Variants in ZNF385B observed in about 807,000 individuals in gnomAD.
ZNF385B encodes zinc finger protein 533.
ZNF385B carries 23 observed loss-of-function variants against 39.2 expected under a neutral mutation model. That is an observed-to-expected ratio of 0.59 (90% confidence interval 0.42 to 0.83). The LOEUF (loss-of-function observed/expected upper bound fraction) is 0.83, where lower values mean the gene tolerates loss of function less well. Ranked by LOEUF, ZNF385B falls within the 40% of genes least tolerant of loss-of-function variation. The pLI, the probability that ZNF385B is intolerant of heterozygous loss-of-function variation, is 0.00. For missense variants in ZNF385B, 552 were observed against 598.9 expected (o/e 0.92, Z 0.82); for synonymous variants, 205 against 222.6 (o/e 0.92, Z 0.70).
chr2:179,718,179 T>G (rs1448739196), intron 3 of ZNF385B, among the ~76,000 whole-genome samples: 3 of 152,106 alleles, frequency 2.0e-5, no homozygotes, highest in African/African-American at 7.2e-5. Context: ...GAATAATCTT[T>G]ACTACTATTG....
chr2:179,530,078 T>A (rs1228498580), intron 4 of ZNF385B, among the ~76,000 whole-genome samples: 14 of 152,170 alleles, frequency 9.2e-5, no homozygotes. Context: ...CCATAGCACA[T>A]GTGAAGAGAG....
intron 3 of ZNF385B, among the ~76,000 whole-genome samples, chr2:179,732,796 T>A (rs1701480077): frequency 1.3e-5 from 2 of 152,190 alleles, no homozygotes; most frequent in African/African-American, 4.8e-5. Flanking sequence ...ACTAAATGTA[T>A]GAGATTAAAA....
Position 179,444,944 on chromosome 2 carries a change from C to A in ZNF385B, c.1174G>T (p.Ala392Ser). 6.2e-7 allele frequency: 1 copy of A among 1,614,140 alleles called. No homozygotes were observed. ...ISSRRHKDRV[A>S]GKPLKPKYSP... ...TATTTTGGCTTCAGTGGTTTCCCTG[C>A]AACTCGATCTTTATGCCTTCGGCTA... The change falls in exon 9 of 10, where the codon GCA becomes TCA. Residue 392 changes from alanine to serine, a missense_variant. Ala to Ser is a moderately conservative substitution (Grantham distance 99, BLOSUM62 1). Transcript: ENST00000410066.
At chr2:179,537,880 A>AT (rs887048336) in intron 4 of ZNF385B, among the ~76,000 whole-genome samples, 5 of 151,284 alleles carry the variant, frequency 3.3e-5, no homozygotes, top group East Asian at 1.9e-4. Flanking sequence ...CCCTATAACT[A>AT]TTTTTTTTTC....
At chr2:179,739,045 T>G (rs1159705986) in intron 3 of ZNF385B, among the ~76,000 whole-genome samples, 1 of 152,206 alleles carries the variant, frequency 6.6e-6, no homozygotes. Flanking sequence ...CCACCACCAC[T>G]GCAAATTCAA....
intron 3 of ZNF385B, among the ~76,000 whole-genome samples, chr2:179,684,540 C>T (rs939964719): frequency 2.6e-5 from 4 of 152,166 alleles, no homozygotes; most frequent in Non-Finnish European, 5.9e-5. Context: ...CCATGATTGT[C>T]CATAGGCTTA....
At chr2:179,738,531 A>G (rs933933816) in intron 3 of ZNF385B, among the ~76,000 whole-genome samples, 1 of 152,198 alleles carries the variant, frequency 6.6e-6, no homozygotes, top group African/African-American at 2.4e-5. Context: ...ATGAGTTTAC[A>G]TTTTATCAAT....
intron 3 of ZNF385B, among the ~76,000 whole-genome samples, chr2:179,760,216 CTGTGTGCGTGTGTG>C: frequency 1.8e-5 from 2 of 110,356 alleles, no homozygotes; most frequent in East Asian, 6.6e-4. Flanking sequence ...ACCTGGATTC[CTGTGTGCGTGTGTG>C]TGTGTGTGTG....
intron 5 of ZNF385B, among the ~76,000 whole-genome samples, chr2:179,502,312 GAGA>G (rs1369581355): frequency 6.6e-6 from 1 of 152,186 alleles, no homozygotes; most frequent in African/African-American, 2.4e-5. Flanking sequence ...TTTGAAATGT[GAGA>G]AGGAGATGAG....
chr2:179,493,737 G>GCA (rs1215934577), intron 5 of ZNF385B, among the ~76,000 whole-genome samples: 1 of 129,344 alleles, frequency 7.7e-6, no homozygotes, highest in African/African-American at 3.0e-5. Flanking sequence ...ATACATATAT[G>GCA]TATACATATG....
At chr2:179,816,253 T>C (rs1372328739) in intron 1 of ZNF385B, among the ~76,000 whole-genome samples, 1 of 152,210 alleles carries the variant, frequency 6.6e-6, no homozygotes, top group Non-Finnish European at 1.5e-5. Context: ...CTGCAAATTC[T>C]ATTTACCCTG....
At chr2:179,858,741 C>T (rs968627053) in intron 1 of ZNF385B, among the ~76,000 whole-genome samples, 1 of 152,052 alleles carries the variant, frequency 6.6e-6, no homozygotes, top group East Asian at 1.9e-4. Flanking sequence ...ACACACACTC[C>T]CTGTTCTTTA....
intron 3 of ZNF385B, among the ~76,000 whole-genome samples, chr2:179,649,067 T>C (rs978433160): frequency 2.0e-5 from 3 of 152,134 alleles, no homozygotes; most frequent in Non-Finnish European, 2.9e-5. Context: ...TGATAGGATA[T>C]AGTAAAAGGA....
chr2:179,556,043 A>T (rs998257796), intron 3 of ZNF385B, among the ~76,000 whole-genome samples: 2 of 149,324 alleles, frequency 1.3e-5, no homozygotes, highest in Non-Finnish European at 3.0e-5. Flanking sequence ...TGGGTTTTGT[A>T]GTAATACACC....
chr2:179,545,497 C>A (rs898137446), intron 3 of ZNF385B, among the ~76,000 whole-genome samples: 1 of 151,540 alleles, frequency 6.6e-6, no homozygotes, highest in Non-Finnish European at 1.5e-5. Context: ...AAAAAAAAAA[C>A]AAACTTTCTG....
At chr2:179,812,285 A>T (rs143901102) in intron 1 of ZNF385B, among the ~76,000 whole-genome samples, 63 of 152,314 alleles carry the variant, frequency 4.1e-4, no homozygotes, top group African/African-American at 1.5e-3. Context: ...CAATCCCATT[A>T]CTGGGTATCT....
intron 4 of ZNF385B, among the ~76,000 whole-genome samples, chr2:179,543,616 TC>T (rs1452450169): frequency 6.6e-6 from 1 of 152,044 alleles, no homozygotes; most frequent in Non-Finnish European, 1.5e-5. Context: ...GCATGATTTA[TC>T]CTATTGAGCC....
intron 3 of ZNF385B, among the ~76,000 whole-genome samples, chr2:179,674,320 G>A (rs1696453352): frequency 1.3e-5 from 2 of 152,172 alleles, no homozygotes; most frequent in African/African-American, 2.4e-5. Flanking sequence ...TTGTAATTGA[G>A]CAACTATGAC....
At chr2:179,803,132 G>C (rs1706135604) in intron 1 of ZNF385B, among the ~76,000 whole-genome samples, 1 of 152,146 alleles carries the variant, frequency 6.6e-6, no homozygotes, top group South Asian at 2.1e-4. Flanking sequence ...CTTGCCCAAA[G>C]TCATACATGA....
Sources: gnomAD v4.1 joint callset for allele counts (sites outside exome capture counted in the v4.1 genomes callset) on GRCh38, gnomAD v4.1.1 for gene constraint, MANE v1.5 for transcripts, NCBI Gene and HGNC (gene_info 2026-07-23, HGNC 2026-07-21) for gene names.